ATP2B4: variants seen among roughly 807,000 people sequenced by gnomAD.
ATP2B4 encodes plasma membrane calcium-transporting ATPase 4.
A neutral mutation model predicts 110.3 loss-of-function variants in ATP2B4; 39 were observed. The observed-to-expected ratio is 0.35, with a 90% CI of 0.27 to 0.46. ATP2B4 has a LOEUF of 0.46. Among genes scored for constraint, ATP2B4 ranks in the 20% least tolerant of loss-of-function variants. The probability of loss-of-function intolerance (pLI) is 1.00; values close to 1 mark genes in which losing one functional copy is unlikely to be tolerated. For synonymous variants in ATP2B4, 538 were observed against 571.7 expected (o/e 0.94, Z 0.84); for missense variants, 1,135 against 1,530.9 (o/e 0.74, Z 4.32).
intron 10 of ATP2B4, 78 bp downstream of exon 10, chr1:203,708,182 T>G: frequency 6.3e-7 from 1 of 1,577,282 alleles, no homozygotes; most frequent in South Asian, 1.1e-5. Flanking sequence ...TGAACCCCCT[T>G]ATTGTTTACA....
chr1:203,721,551 G>A (rs936078497), intron 17 of ATP2B4, 141 bp downstream of exon 17: 30 of 777,152 alleles, frequency 3.9e-5, no homozygotes, highest in South Asian at 1.2e-4. Context: ...CCCGCTACAC[G>A]GTGCATTATG....
rs1463230016 is a variant in ATP2B4, at chr1:203,701,938, A to C, written c.902-106A>C. 69 of 1,174,140 alleles carry C rather than the reference A, an allele frequency of 5.9e-5. 1 individual carries two copies. The highest frequency in any genetic ancestry group is 2.1e-5 in the Admixed American group (1 of 48,162). The allele number at this position is 1,174,140 out of a possible 1,614,324, so 72.7% of individuals were successfully genotyped here. A position where few individuals can be genotyped will look rare whatever the true frequency, so the allele number is the denominator to read the frequency against. On this transcript the variant is annotated intron_variant, in intron 6 of 20. Coordinates refer to ENST00000357681, the MANE Select transcript of ATP2B4 (RefSeq NM_001684.5). Reference sequence around the variant, plus strand: ...ATTTATGTCCCTTCCCTGCAACCCAAACACTTTGCTGTTGTCCTTCTGGGC... The same window carrying C: ...ATTTATGTCCCTTCCCTGCAACCCACACACTTTGCTGTTGTCCTTCTGGGC...
chr1:203,658,530 C>CA (rs1296451088), intron 1 of ATP2B4, among the ~76,000 whole-genome samples: 203 of 116,484 alleles, frequency 1.7e-3, no homozygotes, highest in Non-Finnish European at 2.5e-3. Flanking sequence ...GACCCTGTCT[C>CA]AAAAAAAAAA....
chr1:203,710,930 A>C lies in ATP2B4; in HGVS notation c.1853A>C (p.Asp618Ala). 6.2e-7 allele frequency: 1 copy of C among 1,614,152 alleles called. No individual in the cohort carries two copies. Among genetic ancestry groups the C allele is most frequent in the South Asian group, 1.1e-5 (1 of 91,074 alleles). The change falls in exon 12 of 21, where the codon GAC (aspartate) becomes GCC (alanine). Residue 618 changes from aspartate to alanine, a missense_variant. Around this residue, in one of 9 missense-constraint regions of ATP2B4, gnomAD observed 368 missense variants for 455.9 expected, o/e 0.81. Transcript: ENST00000357681. ...GAAGCAGTGCCATTCAAGAATAAAG[A>C]CAGAGATGATATGGTACGCACTGTC... ...KGEAVPFKNK[D>A]RDDMVRTVIE...
In ATP2B4 at chr1:203,641,363, A is replaced by C. The variant is rs148644869; in HGVS notation, c.-465+14144A>C. On this transcript the variant is annotated intron_variant, in intron 1 of 20. Transcript: ENST00000357681. ...TGGCTTGTGGCAGGGGAGGGAGACT[A>C]ATCAGGCCTATCTTTTTCATCAGGT... 5.2e-3 allele frequency among the ~76,000 whole-genome samples: 788 copies of C among 152,282 alleles called. 5 individuals are homozygous for C. The highest frequency in any genetic ancestry group is 0.017 in the African/African-American group (701 of 41,550).
intron 1 of ATP2B4, among the ~76,000 whole-genome samples, chr1:203,664,789 T>C (rs997147391): frequency 6.6e-6 from 1 of 152,216 alleles, no homozygotes; most frequent in African/African-American, 2.4e-5. Flanking sequence ...GAATGCCAGG[T>C]TGACAGTTAA....
At position 203,723,954 on chromosome 1, in the gene ATP2B4, T is replaced by G. The variant is rs777502316; in HGVS notation, c.3098T>G (p.Leu1033Arg). The G allele has an allele frequency of 6.2e-7, 1 of 1,611,922 alleles. No individual in the cohort carries two copies. ...AGCCTGTCTCAGTGGCTGTGGTGTC[T>G]CTTCATTGGGATTGGAGAACTTCTG... ...SLSLSQWLWC[L>R]FIGIGELLWG... Residue 1033 changes from leucine (L) to arginine (R), a missense_variant, in exon 19 of 21, where the codon CTC (leucine) becomes CGC (arginine). Leu to Arg is a moderately radical substitution (Grantham distance 102, BLOSUM62 -2). Coordinates refer to ENST00000357681, the MANE Select transcript of ATP2B4 (RefSeq NM_001684.5).
chr1:203,649,794 A>C (rs1193915976), intron 1 of ATP2B4, among the ~76,000 whole-genome samples: 1 of 152,100 alleles, frequency 6.6e-6, no homozygotes, highest in African/African-American at 2.4e-5. Flanking sequence ...TGTCTAAAAA[A>C]CAAGCAAAAA....
intron 15 of ATP2B4, among the ~76,000 whole-genome samples, chr1:203,714,799 C>CCCCA (rs1666113098): frequency 6.6e-6 from 1 of 152,048 alleles, no homozygotes; most frequent in Admixed American, 6.6e-5. Flanking sequence ...TTTAGAAGCC[C>CCCCA]CCCAGATTCT....
intron 2 of ATP2B4, among the ~76,000 whole-genome samples, chr1:203,688,152 T>C (rs1665257852): frequency 6.6e-6 from 1 of 151,530 alleles, no homozygotes; most frequent in Admixed American, 6.6e-5. Context: ...GCCTTCCAAG[T>C]AGCTGGGACC....
At chr1:203,634,390 T>C (rs924935848) in intron 1 of ATP2B4, among the ~76,000 whole-genome samples, 1 of 152,324 alleles carries the variant, frequency 6.6e-6, no homozygotes, top group Non-Finnish European at 1.5e-5. Flanking sequence ...CTGTCAGCCA[T>C]GTTGGAGTGC....
chr1:203,717,626 T>A (rs576150603), intron 15 of ATP2B4, among the ~76,000 whole-genome samples: 6 of 144,226 alleles, frequency 4.2e-5, no homozygotes, highest in Non-Finnish European at 7.6e-5. Flanking sequence ...ATGGTATTTA[T>A]TTTATTTATT....
intron 1 of ATP2B4, among the ~76,000 whole-genome samples, chr1:203,637,453 A>G (rs75620478): frequency 2.0e-5 from 3 of 151,272 alleles, no homozygotes; most frequent in Non-Finnish European, 4.4e-5. Context: ...AAAAAAAAAA[A>G]AGCCAATATA....
At chr1:203,670,705 C>T (rs1396995704) in intron 1 of ATP2B4, among the ~76,000 whole-genome samples, 1 of 152,164 alleles carries the variant, frequency 6.6e-6, no homozygotes, top group African/African-American at 2.4e-5. Context: ...CTCTTCTGAC[C>T]TCAAGGTTCT....
At chr1:203,730,629 T>C (rs1666677466) in intron 20 of ATP2B4, among the ~76,000 whole-genome samples, 1 of 152,232 alleles carries the variant, frequency 6.6e-6, no homozygotes. Flanking sequence ...TCTTCTGTCC[T>C]GGGAGGCTGA....
At chr1:203,723,061 C>G (rs867023483) in intron 18 of ATP2B4, among the ~76,000 whole-genome samples, 27 of 152,134 alleles carry the variant, frequency 1.8e-4, no homozygotes, top group African/African-American at 6.5e-4. Flanking sequence ...AGTATAGACT[C>G]TCCCTGTCCC....
At chr1:203,671,536 A>G (rs1664662380) in intron 1 of ATP2B4, among the ~76,000 whole-genome samples, 1 of 152,116 alleles carries the variant, frequency 6.6e-6, no homozygotes, top group Non-Finnish European at 1.5e-5. Context: ...TGAGGGAGTC[A>G]AGGCAGAGGG....
chr1:203,633,907 G>A lies in ATP2B4; in HGVS notation c.-465+6688G>A, dbSNP rs534340172. ...CTCTACTAAAAATACAAAATTAGCC[G>A]GGCGTGGTAGTGCATGCCTATAATC... On this transcript the variant is annotated intron_variant, in intron 1 of 20. Coordinates refer to ENST00000357681, the MANE Select transcript of ATP2B4 (RefSeq NM_001684.5). 1.6e-3 allele frequency among the ~76,000 whole-genome samples: 237 copies of A among 151,988 alleles called. 1 individual carries two copies. The highest frequency in any genetic ancestry group is 3.0e-3 in the Non-Finnish European group (201 of 67,982).
At chr1:203,713,345 C>A (rs982745014) in intron 14 of ATP2B4, 93 bp downstream of exon 14, 1 of 1,420,572 alleles carries the variant, frequency 7.0e-7, no homozygotes, top group African/African-American at 1.4e-5. Context: ...ACTCTCCTGT[C>A]CAAATAGGGA....
Sources: allele counts gnomAD v4.1 joint callset (sites outside exome capture counted in the v4.1 genomes callset), GRCh38; gene constraint gnomAD v4.1.1; regional missense constraint gnomAD v4.1.1; transcripts MANE v1.5; gene names NCBI Gene and HGNC (gene_info 2026-07-23, HGNC 2026-07-21).